The following TFAP2D variants were observed in gnomAD, a reference collection of about 807,000 sequenced individuals.
TFAP2D encodes transcription factor AP-2 delta.
A neutral mutation model predicts 43.6 loss-of-function variants in TFAP2D; 9 were observed. The ratio of observed to expected loss-of-function variants is 0.21; its 90% CI spans 0.12 to 0.36. TFAP2D has a LOEUF of 0.36. TFAP2D is among the 10% of genes least tolerant of loss of function. The pLI is 1.00. For synonymous variants in TFAP2D, 256 were observed against 224.9 expected (o/e 1.14, Z -1.24); for missense variants, 513 against 561.4 (o/e 0.91, Z 0.87).
intron 7 of TFAP2D, among the ~76,000 whole-genome samples, chr6:50,765,542 G>T (rs1029812159): frequency 1.8e-4 from 27 of 152,236 alleles, no homozygotes; most frequent in African/African-American, 6.3e-4. Context: ...TCAGCTTTTT[G>T]AAAATAGCCA....
intron 3 of TFAP2D, among the ~76,000 whole-genome samples, chr6:50,719,490 A>AAAGG (rs765927280): frequency 7.2e-6 from 1 of 139,226 alleles, no homozygotes; most frequent in African/African-American, 2.5e-5. Flanking sequence ...AGAAAGAAAG[A>AAAGG]AAGAAAGAAA....
At chr6:50,724,396 A>G (rs949110400) in intron 3 of TFAP2D, among the ~76,000 whole-genome samples, 6 of 152,148 alleles carry the variant, frequency 3.9e-5, no homozygotes, top group Admixed American at 2.0e-4. Flanking sequence ...CGAACAGATC[A>G]TTTATTTTGC....
chr6:50,731,664 C>T (rs1180204097), intron 5 of TFAP2D, among the ~76,000 whole-genome samples: 1 of 152,036 alleles, frequency 6.6e-6, no homozygotes, highest in African/African-American at 2.4e-5. Flanking sequence ...CTTTGACATA[C>T]AAGGACATTA....
intron 1 of TFAP2D, 123 bp from the exon 2 acceptor site, chr6:50,714,993 C>T: frequency 1.5e-6 from 2 of 1,337,650 alleles, no homozygotes; most frequent in Non-Finnish European, 2.0e-6. Context: ...CGGCCCGAGT[C>T]CTACGCGCTC....
intron 5 of TFAP2D, among the ~76,000 whole-genome samples, chr6:50,737,236 G>C (rs967569827): frequency 6.6e-6 from 1 of 152,098 alleles, no homozygotes; most frequent in Non-Finnish European, 1.5e-5. Context: ...CCTCCCAAAG[G>C]CTAGATTATA....
At chr6:50,767,814 G>A (rs1214731521) in intron 7 of TFAP2D, among the ~76,000 whole-genome samples, 2 of 152,182 alleles carry the variant, frequency 1.3e-5, no homozygotes, top group African/African-American at 4.8e-5. Context: ...TACATAGGGT[G>A]AAGGAAGGCA....
intron 7 of TFAP2D, among the ~76,000 whole-genome samples, chr6:50,771,285 G>A (rs1390656076): frequency 2.6e-5 from 4 of 152,126 alleles, no homozygotes; most frequent in African/African-American, 7.2e-5. Flanking sequence ...CCACCTAAGC[G>A]ATTATCTACA....
Position 50,713,890 on chromosome 6 carries a change from C to A in TFAP2D, c.-166C>A, listed in dbSNP as rs987749508. On this transcript the variant is annotated 5_prime_UTR_variant, in exon 1 of 8. Coordinates refer to ENST00000008391, the MANE Select transcript of TFAP2D (RefSeq NM_172238.4). ...TACAGGTTTTTAAGTGGGTACGAGG[C>A]AAGGAGCTATCTGATCCGGGCAAAA... is the stretch of plus-strand genomic sequence containing the variant. The A allele has an allele frequency of 7.9e-6, 8 of 1,018,434 alleles. No individual in the cohort carries two copies. The African/African-American group carries it at 1.3e-4, about 17-fold the overall frequency. 63.1% of individuals were successfully genotyped at this position (1,018,434 alleles called of 1,614,324 possible).
intron 7 of TFAP2D, among the ~76,000 whole-genome samples, chr6:50,758,387 A>G (rs1002007012): frequency 9.9e-5 from 15 of 151,930 alleles, no homozygotes; most frequent in African/African-American, 3.6e-4. Flanking sequence ...TGACAACTCT[A>G]TTAGAAATGC....
At chr6:50,754,934 G>A (rs1352514184) in intron 7 of TFAP2D, among the ~76,000 whole-genome samples, 1 of 151,684 alleles carries the variant, frequency 6.6e-6, no homozygotes, top group Non-Finnish European at 1.5e-5. Flanking sequence ...TGTTGATTGT[G>A]TCTTTGGTAC....
At chr6:50,752,706 G>A (rs1468466518) in intron 7 of TFAP2D, among the ~76,000 whole-genome samples, 4 of 151,822 alleles carry the variant, frequency 2.6e-5, no homozygotes, top group Non-Finnish European at 5.9e-5. Context: ...CAAAATGTAG[G>A]ATATATTTCA....
Position 50,715,460 on chromosome 6 carries a change from C to A in TFAP2D, c.384C>A (p.Asp128Glu), listed in dbSNP as rs757039322. ...GGGCGCTCAAGTCGTCCTGCCTGGACGAGCAGAGGCGGGAGCTGGGCTGCC... is the reference window on the plus strand; with the variant it reads ...GGGCGCTCAAGTCGTCCTGCCTGGAAGAGCAGAGGCGGGAGCTGGGCTGCC... Reference protein sequence around the residue: ...NARALKSSCLDEQRRELGCLD... With the variant: ...NARALKSSCLEEQRRELGCLD... The change falls in exon 2 of 8, where the codon GAC becomes GAA. Residue 128 changes from aspartate to glutamate, a missense_variant. Physicochemically the swap from Asp to Glu is conservative, Grantham distance 45. This residue lies in a region of TFAP2D where 311 missense variants were observed against 316.2 expected (regional missense o/e 0.98). Coordinates refer to ENST00000008391, the MANE Select transcript of TFAP2D (RefSeq NM_172238.4). 2 of 1,614,110 alleles carry A rather than the reference C, an allele frequency of 1.2e-6. No homozygotes were observed. The highest frequency in any genetic ancestry group is 1.1e-5 in the South Asian group (1 of 91,084).
intron 6 of TFAP2D, among the ~76,000 whole-genome samples, chr6:50,746,833 G>A (rs1769131248): frequency 6.6e-6 from 1 of 152,024 alleles, no homozygotes; most frequent in African/African-American, 2.4e-5. Context: ...GGCACTGTTT[G>A]GACTTAGGAT....
intron 2 of TFAP2D, 36 bp downstream of exon 2, chr6:50,715,649 C>T: frequency 1.3e-6 from 2 of 1,543,822 alleles, no homozygotes; most frequent in Non-Finnish European, 8.7e-7. Context: ...CTGCTCCCTC[C>T]CCTCTTCGCC....
At chr6:50,752,602 A>C (rs1200973392) in intron 7 of TFAP2D, among the ~76,000 whole-genome samples, 5 of 151,904 alleles carry the variant, frequency 3.3e-5, no homozygotes, top group Non-Finnish European at 5.9e-5. Context: ...GTTAAATAGA[A>C]TATTCTATTT....
chr6:50,768,538 CTAT>C (rs1002160847), intron 7 of TFAP2D, among the ~76,000 whole-genome samples: 1 of 152,010 alleles, frequency 6.6e-6, no homozygotes, highest in African/African-American at 2.4e-5. Flanking sequence ...AGATACACAC[CTAT>C]TTTTCTGGAT....
At chr6:50,748,496 T>G (rs1301422827) in intron 6 of TFAP2D, among the ~76,000 whole-genome samples, 1 of 151,880 alleles carries the variant, frequency 6.6e-6, no homozygotes, top group Non-Finnish European at 1.5e-5. Context: ...GGATTACAGA[T>G]TCAGTTGTCT....
At chr6:50,770,291 G>T (rs918402423) in intron 7 of TFAP2D, among the ~76,000 whole-genome samples, 3 of 152,236 alleles carry the variant, frequency 2.0e-5, no homozygotes, top group African/African-American at 7.2e-5. Context: ...GGCAATGCAA[G>T]ACCTTGTAGC....
chr6:50,726,810 C>G (rs1464535619), intron 3 of TFAP2D, among the ~76,000 whole-genome samples: 1 of 152,022 alleles, frequency 6.6e-6, no homozygotes, highest in Non-Finnish European at 1.5e-5. Context: ...AAATGGTAGT[C>G]TTAGGTCCAG....
Sources: gnomAD v4.1 joint callset for allele counts (sites outside exome capture counted in the v4.1 genomes callset) on GRCh38, gnomAD v4.1.1 for gene constraint, gnomAD v4.1.1 regional missense constraint, MANE v1.5 for transcripts, NCBI Gene and HGNC (gene_info 2026-07-23, HGNC 2026-07-21) for gene names.